STK33: variants seen among roughly 807,000 people sequenced by gnomAD.
STK33 encodes serine/threonine-protein kinase 33.
In STK33, 52 loss-of-function variants were observed where a neutral mutation model predicts 58.0. The ratio of observed to expected loss-of-function variants is 0.90; its 90% CI spans 0.72 to 1.13. The LOEUF is 1.13. Ranked by LOEUF, STK33 falls within the 50% of genes most tolerant of loss-of-function variation. The pLI is 0.00. For missense variants in STK33, 630 were observed against 604.2 expected (o/e 1.04, Z -0.45); for synonymous variants, 215 against 200.1 (o/e 1.07, Z -0.63).
intron 14 of STK33, among the ~76,000 whole-genome samples, chr11:8,418,863 G>A (rs902380654): frequency 3.3e-5 from 5 of 151,754 alleles, no homozygotes; most frequent in Non-Finnish European, 5.9e-5. Flanking sequence ...AGCTTTTTTC[G>A]TATGCTTGTT....
At chr11:8,554,247 G>A (rs988159554) in intron 1 of STK33, among the ~76,000 whole-genome samples, 21 of 151,534 alleles carry the variant, frequency 1.4e-4, no homozygotes, top group African/African-American at 4.8e-4. Flanking sequence ...GTGAAACCCC[G>A]TCTCTATTAA....
At chr11:8,365,836 C>A in the STK33 span, among the ~76,000 whole-genome samples, 2 of 152,156 alleles carry the variant, frequency 1.3e-5, no homozygotes, top group East Asian at 1.9e-4. Flanking sequence ...AAGGCCCATG[C>A]GCCCACCTTC....
intron 11 of STK33, among the ~76,000 whole-genome samples, chr11:8,442,030 T>TACACACACACACACAC (rs55646106): frequency 7.0e-6 from 1 of 143,326 alleles, no homozygotes; most frequent in African/African-American, 2.6e-5. Flanking sequence ...TACCTACACC[T>TACACACACACACACAC]ACACACACAC....
At chr11:8,556,740 C>T (rs74934305) in intron 1 of STK33, among the ~76,000 whole-genome samples, 10,008 of 152,182 alleles carry the variant, frequency 0.066, 506 homozygotes, top group Non-Finnish European at 0.1. Context: ...ATTTCCCCCA[C>T]TAGACTGTGA....
chr11:8,518,735 G>C (rs945029114), intron 1 of STK33, among the ~76,000 whole-genome samples: 7 of 152,138 alleles, frequency 4.6e-5, no homozygotes, highest in Non-Finnish European at 8.8e-5. Context: ...AAGATCAAAA[G>C]AGACAAAGAA....
chr11:8,533,647 G>GA (rs1171866760), intron 1 of STK33, among the ~76,000 whole-genome samples: 1 of 152,084 alleles, frequency 6.6e-6, no homozygotes, highest in Non-Finnish European at 1.5e-5. Flanking sequence ...AAAAGGGAGG[G>GA]AAGGCAGAAG....
chr11:8,586,822 TAAAAAAAAAAAAAAAA>T (rs56064924), intron 1 of STK33, among the ~76,000 whole-genome samples: 7 of 78,238 alleles, frequency 8.9e-5, no homozygotes, highest in African/African-American at 3.1e-4. Flanking sequence ...AGACTCTGTC[TAAAAAAAAAAAAAAAA>T]AAAAAAAAAA....
Position 8,577,958 on chromosome 11 carries a change from T to C in STK33, c.-466+16125A>G, listed in dbSNP as rs577264596. On this transcript the variant is annotated intron_variant, in intron 1 of 15. Coordinates refer to ENST00000687296, the MANE Select transcript of STK33 (RefSeq NM_001352389.2). ...CAACAGTGCCTCTCCAGGGAAGTTC[T>C]TCCATGCAGCAGTGAGTCATTTTTT... Among the ~76,000 whole-genome samples the C allele has an allele frequency of 5.9e-5, 9 of 152,106 alleles. No individual in the cohort carries two copies. The East Asian group carries it at 1.7e-3, about 29-fold the overall frequency.
intron 15 of STK33, among the ~76,000 whole-genome samples, chr11:8,396,785 G>C (rs1440657644): frequency 6.6e-6 from 1 of 152,202 alleles, no homozygotes; most frequent in Admixed American, 6.5e-5. Flanking sequence ...TTTTCCAATG[G>C]TCTTAGCAAA....
chr11:8,485,835 A>T (rs1462793453), intron 1 of STK33, among the ~76,000 whole-genome samples: 3 of 152,210 alleles, frequency 2.0e-5, no homozygotes, highest in African/African-American at 7.2e-5. Flanking sequence ...TCAGTAATAT[A>T]TGTACATACT....
chr11:8,447,621 T>C (rs1417118517), intron 11 of STK33, among the ~76,000 whole-genome samples: 4 of 152,206 alleles, frequency 2.6e-5, no homozygotes, highest in South Asian at 4.1e-4. Context: ...AAATTAGGTA[T>C]TGATGGGATG....
At chr11:8,454,127 A>G (rs915994116) in intron 10 of STK33, among the ~76,000 whole-genome samples, 6 of 152,224 alleles carry the variant, frequency 3.9e-5, no homozygotes, top group African/African-American at 1.4e-4. Flanking sequence ...TTTCTATTAC[A>G]TAGGACTTAG....
At chr11:8,420,988 A>C (rs1174338937) in intron 14 of STK33, among the ~76,000 whole-genome samples, 3 of 151,920 alleles carry the variant, frequency 2.0e-5, no homozygotes, top group African/African-American at 4.8e-5. Flanking sequence ...GTCTGAAAAA[A>C]AAAAAGGGGA....
intron 1 of STK33, among the ~76,000 whole-genome samples, chr11:8,558,454 T>C (rs1433307467): frequency 1.3e-5 from 2 of 151,988 alleles, no homozygotes; most frequent in Non-Finnish European, 1.5e-5. Context: ...CATAGCATTT[T>C]TGTATATGTT....
At chr11:8,555,045 C>CT (rs887503260) in intron 1 of STK33, 3 of 152,052 alleles carry the variant, frequency 2.0e-5, no homozygotes, top group Admixed American at 2.0e-4. Context: ...TGTAGGGGAT[C>CT]TTTTTTCTCT....
Position 8,436,057 on chromosome 11 carries a change from T to C in STK33, c.1030A>G (p.Asn344Asp), listed in dbSNP as rs1387647974. ...TCACTTATGGAATTCCAGACTGCAT[T>C]TTCAAAATGTAGTTCTCCTTTTCTT... ...LIRKGELHFE[N>D]AVWNSISDCA... Residue 344 changes from asparagine to aspartate, a missense_variant, in exon 13 of 16, where the codon AAT becomes GAT. Physicochemically the swap from Asn to Asp is conservative, Grantham distance 23. Transcript: ENST00000687296. 1.3e-6 allele frequency: 2 copies of C among 1,589,452 alleles called. No homozygotes were observed. The highest frequency in any genetic ancestry group is 1.3e-5 in the African/African-American group (1 of 74,196).
chr11:8,537,381 T>C (rs544333272), intron 1 of STK33, among the ~76,000 whole-genome samples: 51 of 152,010 alleles, frequency 3.4e-4, no homozygotes, highest in African/African-American at 1.0e-3. Flanking sequence ...TAAACCACCA[T>C]GCCTGGCCCC....
intron 15 of STK33, among the ~76,000 whole-genome samples, chr11:8,411,969 A>G (rs375846115): frequency 1.4e-4 from 22 of 152,232 alleles, no homozygotes; most frequent in East Asian, 5.8e-4. Context: ...GGGCGGCTGG[A>G]GGAGTGGGAG....
rs529618525 is a variant in STK33 at position 8,412,009 on chromosome 11, G to A, written c.1344+1486C>T. 4.6e-5 allele frequency among the ~76,000 whole-genome samples: 7 copies of A among 152,258 alleles called. No homozygotes were observed. The South Asian group carries it at 1.5e-3, about 32-fold the overall frequency. On this transcript the variant is annotated intron_variant, in intron 15 of 15. Coordinates refer to ENST00000687296, the MANE Select transcript of STK33 (RefSeq NM_001352389.2). ...AAAGTGTGACACGGCAATGGAAAAG[G>A]GGATGGAAGACATTTGGTTCGCAAG...
Sources: gnomAD v4.1 joint callset for allele counts (sites outside exome capture counted in the v4.1 genomes callset) on GRCh38, gnomAD v4.1.1 for gene constraint, MANE v1.5 for transcripts, NCBI Gene and HGNC (gene_info 2026-07-23, HGNC 2026-07-21) for gene names.